Variants in RNLS observed in about 807,000 individuals in gnomAD.
The protein encoded by RNLS is renalase.
In RNLS, 39 loss-of-function variants were observed where a neutral mutation model predicts 39.8. That is an observed-to-expected ratio of 0.98 (90% CI 0.76 to 1.28). The LOEUF (loss-of-function observed/expected upper bound fraction) is 1.28, where lower values mean the gene tolerates loss of function less well. Among genes scored for constraint, RNLS ranks in the 50% most tolerant of loss-of-function variants. The pLI is 0.00. For missense variants in RNLS, 410 were observed against 413.3 expected (o/e 0.99, Z 0.07); for synonymous variants, 147 against 150.7 (o/e 0.98, Z 0.18).
intron 4 of RNLS, among the ~76,000 whole-genome samples, chr10:88,447,077 G>A (rs879503200): frequency 6.6e-6 from 1 of 152,206 alleles, no homozygotes; most frequent in Non-Finnish European, 1.5e-5. Context: ...GCAAAAACTG[G>A]AAGCATTCCC....
intron 4 of RNLS, among the ~76,000 whole-genome samples, chr10:88,409,090 T>C (rs1324164517): frequency 6.6e-6 from 1 of 152,120 alleles, no homozygotes; most frequent in Non-Finnish European, 1.5e-5. Flanking sequence ...ACACAGATGA[T>C]GTAGATGAGA....
chr10:88,474,920 G>C (rs1378854755), intron 4 of RNLS, among the ~76,000 whole-genome samples: 1 of 152,102 alleles, frequency 6.6e-6, no homozygotes, highest in Non-Finnish European at 1.5e-5. Context: ...GAAATATGAT[G>C]CCTTGTTTGA....
chr10:88,348,067 A>G (rs1388222921), intron 5 of RNLS, among the ~76,000 whole-genome samples: 2 of 152,144 alleles, frequency 1.3e-5, no homozygotes, highest in East Asian at 1.9e-4. Flanking sequence ...AGACTGCGCC[A>G]GTTCCCACCT....
intron 4 of RNLS, among the ~76,000 whole-genome samples, chr10:88,374,235 T>C (rs778798628): frequency 7.2e-5 from 11 of 152,084 alleles, no homozygotes; most frequent in Non-Finnish European, 1.6e-4. Context: ...GGCTCATCTC[T>C]GGAAAGACAT....
At chr10:88,487,578 A>T (rs1748014626) in intron 4 of RNLS, among the ~76,000 whole-genome samples, 2 of 152,212 alleles carry the variant, frequency 1.3e-5, no homozygotes, top group Non-Finnish European at 2.9e-5. Flanking sequence ...GACTTATCAG[A>T]CTATGTGTTG....
downstream of RNLS, among the ~76,000 whole-genome samples, chr10:88,269,321 G>C (rs1842585232): frequency 6.6e-6 from 1 of 152,194 alleles, no homozygotes; most frequent in South Asian, 2.1e-4. Flanking sequence ...AGATTCCTGA[G>C]AATAGGTTGT....
chr10:88,363,213 G>A (rs1257238791), intron 4 of RNLS, among the ~76,000 whole-genome samples: 2 of 152,034 alleles, frequency 1.3e-5, no homozygotes, highest in African/African-American at 4.8e-5. Context: ...ATGGATACAA[G>A]GGGGGAATAA....
intron 4 of RNLS, among the ~76,000 whole-genome samples, chr10:88,465,519 G>C (rs1044500095): frequency 6.6e-6 from 1 of 152,088 alleles, no homozygotes; most frequent in Non-Finnish European, 1.5e-5. Flanking sequence ...AGAGTGAGGA[G>C]AGAGGCAAGA....
chr10:88,257,532 G>A, the RNLS span, among the ~76,000 whole-genome samples: 1 of 152,182 alleles, frequency 6.6e-6, no homozygotes, highest in Non-Finnish European at 1.5e-5. Flanking sequence ...ACTGAGATGA[G>A]CAGATAGTAT....
At chr10:88,334,970 C>T (rs539360511) in intron 5 of RNLS, among the ~76,000 whole-genome samples, 14 of 152,230 alleles carry the variant, frequency 9.2e-5, no homozygotes, top group African/African-American at 2.4e-4. Flanking sequence ...AATTAATTAA[C>T]GTGAGATACC....
At chr10:88,336,628 C>G (rs1198242726) in intron 5 of RNLS, among the ~76,000 whole-genome samples, 1 of 152,162 alleles carries the variant, frequency 6.6e-6, no homozygotes, top group Non-Finnish European at 1.5e-5. Flanking sequence ...TTCCAGTAAA[C>G]AATGAAAAAT....
intron 5 of RNLS, among the ~76,000 whole-genome samples, chr10:88,331,737 T>C (rs1266631375): frequency 2.6e-5 from 4 of 152,178 alleles, no homozygotes; most frequent in Admixed American, 2.6e-4. Context: ...ACGTTTGCCC[T>C]TCTCCAGTCC....
chr10:88,353,506 T>G (rs1564722217), intron 5 of RNLS, among the ~76,000 whole-genome samples: 1 of 152,376 alleles, frequency 6.6e-6, no homozygotes, highest in East Asian at 1.9e-4. Flanking sequence ...TCAGTTTCCA[T>G]GTAGTTGAGC....
the RNLS span, among the ~76,000 whole-genome samples, chr10:88,202,145 GT>G: frequency 5.9e-5 from 9 of 152,130 alleles, no homozygotes; most frequent in South Asian, 2.1e-4. Flanking sequence ...CATGTCCTTT[GT>G]AGGGACATGA....
intron 4 of RNLS, among the ~76,000 whole-genome samples, chr10:88,490,833 A>T (rs181651887): frequency 3.3e-5 from 5 of 152,304 alleles, no homozygotes; most frequent in South Asian, 2.1e-4. Flanking sequence ...GGGAAAAACA[A>T]CTAAAACCCT....
rs569793438 is a variant in RNLS at position 88,386,651 on chromosome 10, G to A, written c.527-23926C>T. Among the ~76,000 whole-genome samples the A allele has an allele frequency of 3.3e-5, 5 of 152,264 alleles. No individual in the cohort carries two copies. The South Asian group carries it at 1.0e-3, about 32-fold the overall frequency. On this transcript the variant is annotated intron_variant, in intron 4 of 6. Coordinates refer to ENST00000331772, the MANE Select transcript of RNLS (RefSeq NM_001031709.3). The stretch of plus-strand genomic sequence containing the variant: ...ACAGCATTTAAAGATGGACTCTTGG[G>A]TCCTCTGAAAAGGGTGGATTTCTAG...
chr10:88,214,243 T>A, the RNLS span, among the ~76,000 whole-genome samples: 54 of 152,270 alleles, frequency 3.5e-4, no homozygotes, highest in Non-Finnish European at 6.0e-4. Flanking sequence ...TTTTTTCACA[T>A]ACCCGTCTCT....
At chr10:88,539,568 G>A (rs1372980892) in intron 4 of RNLS, among the ~76,000 whole-genome samples, 2 of 152,052 alleles carry the variant, frequency 1.3e-5, no homozygotes, top group South Asian at 2.1e-4. Flanking sequence ...CATATAGCAA[G>A]GATGCTACCT....
intron 4 of RNLS, among the ~76,000 whole-genome samples, chr10:88,464,791 C>T (rs745505975): frequency 1.3e-5 from 2 of 151,818 alleles, no homozygotes; most frequent in Non-Finnish European, 2.9e-5. Context: ...GGAAAATGAA[C>T]GTCAGTGAAA....
Sources: allele counts gnomAD v4.1 joint callset (sites outside exome capture counted in the v4.1 genomes callset), GRCh38; gene constraint gnomAD v4.1.1; transcripts MANE v1.5; gene names NCBI Gene and HGNC (gene_info 2026-07-23, HGNC 2026-07-21).